CLEC12B: variants seen among roughly 807,000 people sequenced by gnomAD.
CLEC12B encodes macrophage antigen h.
A neutral mutation model predicts 36.1 loss-of-function variants in CLEC12B; 25 were observed. That is an observed-to-expected ratio of 0.69 (90% confidence interval 0.50 to 0.97). The LOEUF (loss-of-function observed/expected upper bound fraction) is 0.97. Ranked by LOEUF, CLEC12B falls within the 50% of genes least tolerant of loss-of-function variation. CLEC12B has a pLI of 0.00. For synonymous variants in CLEC12B, 110 were observed against 108.5 expected (o/e 1.01, Z -0.09); for missense variants, 325 against 318.4 (o/e 1.02, Z -0.16).
chr12:10,018,665 G>A lies in CLEC12B; in HGVS notation c.*184G>A. ...CTTGTCTGACGTCTTCTGATTTGAT[G>A]TTATTATTCGGTCTTAAAATTATAC... On this transcript the variant is annotated 3_prime_UTR_variant, in exon 6 of 6. Coordinates refer to ENST00000338896, the MANE Select transcript of CLEC12B (RefSeq NM_001129998.3). The A allele has an allele frequency of 1.7e-6, 1 of 573,466 alleles. No homozygotes were observed. Among genetic ancestry groups the A allele is most frequent in the South Asian group, 2.3e-5 (1 of 43,252 alleles). 35.5% of individuals were successfully genotyped at this position (573,466 alleles called of 1,614,324 possible).
At chr12:10,010,297 T>G (rs1865296358), upstream of CLEC12B, among the ~76,000 whole-genome samples, 1 of 152,160 alleles carries the variant, frequency 6.6e-6, no homozygotes, top group Non-Finnish European at 1.5e-5. Flanking sequence ...TCTTAATGTG[T>G]GTCTCTCTGC....
At chr12:10,015,498 G>GAA in intron 4 of CLEC12B, 92 bp downstream of exon 4, 1 of 1,553,590 alleles carries the variant, frequency 6.4e-7, no homozygotes. Flanking sequence ...TGGAAATTCA[G>GAA]TGCATCTTGA....
intron 3 of CLEC12B, among the ~76,000 whole-genome samples, 177 bp downstream of exon 3, chr12:10,014,918 C>A (rs2137272358): frequency 6.6e-6 from 1 of 152,232 alleles, no homozygotes. Flanking sequence ...ATTTTTGAAA[C>A]CACAGGCAAA....
intron 1 of CLEC12B, among the ~76,000 whole-genome samples, chr12:10,011,536 A>G (rs902943725): frequency 1.3e-5 from 2 of 152,240 alleles, no homozygotes; most frequent in Non-Finnish European, 2.9e-5. Context: ...GCAAGCTCAC[A>G]CAACTGCTAT....
At chr12:10,015,854 A>G in intron 5 of CLEC12B, 127 bp downstream of exon 5, 3 of 1,503,720 alleles carry the variant, frequency 2.0e-6, no homozygotes, top group Non-Finnish European at 2.7e-6. Flanking sequence ...AAAGAGCTCC[A>G]GTAACAAATA....
intron 2 of CLEC12B, 127 bp downstream of exon 2, chr12:10,013,010 A>C (rs1439505022): frequency 1.1e-5 from 8 of 716,912 alleles, no homozygotes; most frequent in Non-Finnish European, 1.7e-5. Context: ...GCTGTCTCAT[A>C]TCTCTCCTAT....
chr12:10,006,607 C>T (rs1420248930), upstream of CLEC12B, among the ~76,000 whole-genome samples: 2 of 151,986 alleles, frequency 1.3e-5, no homozygotes, highest in African/African-American at 2.4e-5. Flanking sequence ...TCCTAGGGAA[C>T]AAAGCATTTT....
At chr12:10,016,862 AG>A (rs1865498440) in intron 5 of CLEC12B, 1 of 359,304 alleles carries the variant, frequency 2.8e-6, no homozygotes, top group Non-Finnish European at 3.9e-6. Context: ...ATGAAACACT[AG>A]GTCTTACTTC....
chr12:10,009,382 T>C (rs990495579), upstream of CLEC12B, among the ~76,000 whole-genome samples: 8 of 152,192 alleles, frequency 5.3e-5, no homozygotes, highest in African/African-American at 7.2e-5. Context: ...TAATTTCTTA[T>C]TTTTGTAATC....
Position 10,015,300 on chromosome 12 carries a change from GT to G in CLEC12B, c.460del (p.Cys154AlafsTer20), listed in dbSNP as rs751058055. Reference sequence around the variant, plus strand: ...AAGATGTGGCAATGGTACCAAAATAGTTGCTACTATTTTACAACAAATGAGG... The same window carrying G: ...AAGATGTGGCAATGGTACCAAAATAGTGCTACTATTTTACAACAAATGAGG... Reference protein sequence around the residue: ...CPKMWQWYQNSCYYFTTNEEK... With the variant: ...CPKMWQWYQNXCYYFTTNEEK... On this transcript the variant is annotated frameshift_variant, in exon 4 of 6. Transcript: ENST00000338896. LOFTEE classifies it high-confidence loss of function. The G allele has an allele frequency of 4.3e-6, 7 of 1,613,420 alleles. No homozygotes were observed. Among genetic ancestry groups the G allele is most frequent in the Non-Finnish European group, 5.9e-6 (7 of 1,179,496 alleles).
chr12:10,006,883 G>A (rs913805906), upstream of CLEC12B, among the ~76,000 whole-genome samples: 35 of 151,962 alleles, frequency 2.3e-4, no homozygotes, highest in Admixed American at 7.2e-4. Flanking sequence ...GTGAAACCCC[G>A]TCTCTACTAA....
At chr12:10,018,227 C>G (rs1243922534) in intron 5 of CLEC12B, 104 bp from the exon 6 acceptor site, 1 of 775,098 alleles carries the variant, frequency 1.3e-6, no homozygotes, top group African/African-American at 1.8e-5. Flanking sequence ...AGAAGTCTCT[C>G]CATATTCAGA....
chr12:10,006,370 G>A (rs1159371124), upstream of CLEC12B, among the ~76,000 whole-genome samples: 2 of 151,654 alleles, frequency 1.3e-5, no homozygotes, highest in Non-Finnish European at 2.9e-5. Flanking sequence ...ATGTATGGCT[G>A]TTATCTCAAG....
chr12:10,006,688 G>A (rs751353181), upstream of CLEC12B, among the ~76,000 whole-genome samples: 1 of 152,174 alleles, frequency 6.6e-6, no homozygotes. Flanking sequence ...TGTGTAAGAT[G>A]AATCCTGAGA....
chr12:10,014,443 G>T lies in CLEC12B; in HGVS notation c.191-80G>T, dbSNP rs1865421598. 7 of 1,027,956 alleles carry T rather than the reference G, an allele frequency of 6.8e-6. No individual in the cohort carries two copies. In the South Asian group the frequency reaches 9.3e-5, roughly 14 times the overall value. 63.7% of individuals were successfully genotyped at this position (1,027,956 alleles called of 1,614,324 possible). A position where few individuals can be genotyped will look rare whatever the true frequency, so the allele number is the denominator to read the frequency against. The stretch of plus-strand genomic sequence containing the variant: ...CTACTAATAAATCTTGAACAATTAA[G>T]AAATGTTTCTGTCACGAGAATTATC... On this transcript the variant is annotated intron_variant, in intron 2 of 5. Transcript: ENST00000338896.
At chr12:10,006,923 C>T (rs574472716), upstream of CLEC12B, among the ~76,000 whole-genome samples, 507 of 151,904 alleles carry the variant, frequency 3.3e-3, 7 homozygotes, top group East Asian at 0.039. Context: ...GGCGGGGTGG[C>T]AGGCGCCTGT....
At chr12:10,010,198 TCTCACACACACACA>T (rs1330379699), upstream of CLEC12B, among the ~76,000 whole-genome samples, 1 of 96,722 alleles carries the variant, frequency 1.0e-5, no homozygotes, top group African/African-American at 3.8e-5. Flanking sequence ...TCTGTCTCTC[TCTCACACACACACA>T]CACACACACA....
At chr12:10,009,800 A>G (rs1365694778), upstream of CLEC12B, among the ~76,000 whole-genome samples, 2 of 152,070 alleles carry the variant, frequency 1.3e-5, no homozygotes, top group African/African-American at 4.8e-5. Flanking sequence ...CTCATACCCA[A>G]TCCTTCCCCT....
chr12:10,010,196 T>TCACACACA (rs1339450318), upstream of CLEC12B, among the ~76,000 whole-genome samples: 53 of 67,376 alleles, frequency 7.9e-4, no homozygotes, highest in Non-Finnish European at 1.4e-3. Context: ...TCTCTGTCTC[T>TCACACACA]CTCTCACACA....
Sources: gnomAD v4.1 joint callset for allele counts (sites outside exome capture counted in the v4.1 genomes callset) on GRCh38, gnomAD v4.1.1 for gene constraint, MANE v1.5 for transcripts, NCBI Gene and HGNC (gene_info 2026-07-23, HGNC 2026-07-21) for gene names.